Variants in PRPF8 observed in about 807,000 individuals in gnomAD.
PRPF8 encodes the protein pre-mRNA processing factor 8.
Under a neutral mutation model 285.9 loss-of-function variants are expected in PRPF8, and 64 were observed. The observed-to-expected ratio is 0.22, with a 90% CI of 0.18 to 0.28. The LOEUF is 0.28. Among genes scored for constraint, PRPF8 ranks in the 10% least tolerant of loss-of-function variants. The pLI is 1.00. For missense variants in PRPF8, 1,426 were observed against 3,026.7 expected (o/e 0.47, Z 12.41); for synonymous variants, 1,325 against 1,118.2 (o/e 1.18, Z -3.69).
In PRPF8 at chr17:1,675,445, C is replaced by T. The variant is rs938413786; in HGVS notation, c.2873-106G>A. The T allele has an allele frequency of 2.4e-5, 35 of 1,464,918 alleles. No homozygotes were observed. The highest frequency in any genetic ancestry group is 6.7e-5 in the Admixed American group (4 of 59,392). 90.7% of individuals were successfully genotyped at this position (1,464,918 alleles called of 1,614,324 possible). On this transcript the variant is annotated intron_variant, in intron 19 of 42. Coordinates refer to ENST00000304992, the MANE Select transcript of PRPF8 (RefSeq NM_006445.4). This position sits in a 1 kb window ranked among gnomAD's most constrained non-coding sequence, Gnocchi z 6.0. The stretch of plus-strand genomic sequence containing the variant: ...CATAACCAATCCCACTATGATTCCA[C>T]GTATTCATTTGGATTGCTTTGACTA...
rs1373036742 is a variant in PRPF8 at position 1,650,837 on chromosome 17, C to T, written c.6973G>A (p.Val2325Ile). Residue 2325 changes from valine to isoleucine, a missense_variant, in exon 43 of 43, where the codon GTT (valine) becomes ATT (isoleucine). Val to Ile is a conservative substitution (Grantham distance 29). Around this residue, in one of 34 missense-constraint regions of PRPF8, gnomAD observed 59 missense variants for 58.6 expected, o/e 1.01. Coordinates refer to ENST00000304992, the MANE Select transcript of PRPF8 (RefSeq NM_006445.4). ...AGGTCCTCCCGATCCGCAGAGTAAA[C>T]CTCCCCCTCCTGCAGGAGAGCAAAG... ...LNFALLQEGE[V>I]YSADREDLYA is the part of the protein sequence containing the mutation. 1 of 1,614,106 alleles carries T rather than the reference C, an allele frequency of 6.2e-7. No individual in the cohort carries two copies. Among genetic ancestry groups the T allele is most frequent in the Admixed American group, 1.7e-5 (1 of 60,010 alleles).
chr17:1,668,344 G>C (rs958292765), intron 24 of PRPF8, among the ~76,000 whole-genome samples: 1 of 149,362 alleles, frequency 6.7e-6, no homozygotes, highest in African/African-American at 2.5e-5. Flanking sequence ...TCTCAATGGG[G>C]TCTAGCATTC....
intron 14 of PRPF8, 183 bp from the exon 15 acceptor site, chr17:1,677,355 A>C: frequency 1.0e-6 from 1 of 959,902 alleles, no homozygotes; most frequent in South Asian, 1.4e-5. Context: ...GCTTCTGAGG[A>C]ATTTCCACTC....
rs1912931146 is a variant in PRPF8, at chr17:1,681,649, A to G, written c.695T>C (p.Leu232Pro). Reference sequence around the variant, plus strand: ...GCGGTAGAGAGTCGACATCATAGGTAGTGTGAACTGCCAGCGCTGGTAAGT... The same window carrying G: ...GCGGTAGAGAGTCGACATCATAGGTGGTGTGAACTGCCAGCGCTGGTAAGT... ...GSTYQRWQFT[L>P]PMMSTLYRLA... The change falls in exon 6 of 43, where the codon CTA (leucine) becomes CCA (proline). Residue 232 changes from leucine (L) to proline (P), a missense_variant. Coordinates refer to ENST00000304992, the MANE Select transcript of PRPF8 (RefSeq NM_006445.4). The G allele has an allele frequency of 8.7e-6, 14 of 1,614,030 alleles. No homozygotes were observed. The highest frequency in any genetic ancestry group is 1.2e-5 in the Non-Finnish European group (14 of 1,180,030).
Position 1,651,826 on chromosome 17 carries a change from G to A in PRPF8, c.6370-38C>T. 1 of 1,610,384 alleles carries A rather than the reference G, an allele frequency of 6.2e-7. No individual in the cohort carries two copies. The highest frequency in any genetic ancestry group is 8.5e-7 in the Non-Finnish European group (1 of 1,177,062). ...GGGTCAGGAACCAAAACTCTTCTTA[G>A]TACCAGGTCAGAGTTGGAGCTGCCA... is the stretch of plus-strand genomic sequence containing the variant. On this transcript the variant is annotated intron_variant, in intron 39 of 42. Coordinates refer to ENST00000304992, the MANE Select transcript of PRPF8 (RefSeq NM_006445.4). This position sits in a 1 kb window ranked among gnomAD's most constrained non-coding sequence, Gnocchi z 5.1.
chr17:1,657,645 CA>C (rs71150803), intron 34 of PRPF8, among the ~76,000 whole-genome samples: 3,692 of 48,120 alleles, frequency 0.077, 55 homozygotes, highest in African/African-American at 0.1. Context: ...GACTCCGTCT[CA>C]AAAAAAAAAA....
At chr17:1,655,293 A>G in intron 37 of PRPF8, 57 bp downstream of exon 37, 1 of 1,599,870 alleles carries the variant, frequency 6.3e-7, no homozygotes, top group Non-Finnish European at 8.5e-7. Context: ...TGCTTCCAAA[A>G]AACCCCAGAA....
In PRPF8 at chr17:1,675,290, A is replaced by G; in HGVS notation, c.2922T>C (p.Asn974=). Residue 974 remains asparagine (N), a synonymous_variant, in exon 20 of 43, where the codon AAT becomes AAC. Transcript: ENST00000304992. The surrounding 1 kb of genome is among the most constrained non-coding windows in gnomAD (Gnocchi z 6.0). Reference sequence around the variant, plus strand: ...TCTCAAAGCGGGATTCCAGCATGACATTGCACTCGCCTTCACTCGTCTCCC... The same window carrying G: ...TCTCAAAGCGGGATTCCAGCATGACGTTGCACTCGCCTTCACTCGTCTCCC... ...DVWETSEGEC[N]VMLESRFEKM... 6.2e-7 allele frequency: 1 copy of G among 1,614,134 alleles called. No homozygotes were observed. Among genetic ancestry groups the G allele is most frequent in the African/African-American group, 1.3e-5 (1 of 75,028 alleles).
chr17:1,653,683 C>T lies in PRPF8; in HGVS notation c.6228G>A (p.Arg2076=). The part of the protein sequence containing the change: ...TFSSKTEWRV[R]AISAANLHLR... ...GGTGCAGGTTGGCAGCAGAGATGGCCCTAAAAACAGGCAGGGAGTGTCAGC... is the reference window on the plus strand; with the variant it reads ...GGTGCAGGTTGGCAGCAGAGATGGCTCTAAAAACAGGCAGGGAGTGTCAGC... Residue 2076 remains arginine (R), a splice_region_variant and synonymous_variant, in exon 39 of 43, where the codon AGG becomes AGA. Transcript: ENST00000304992. This position sits in a 1 kb window ranked among gnomAD's most constrained non-coding sequence, Gnocchi z 4.9. The T allele has an allele frequency of 6.2e-7, 1 of 1,614,082 alleles. No homozygotes were observed. Among genetic ancestry groups the T allele is most frequent in the Non-Finnish European group, 8.5e-7 (1 of 1,180,026 alleles).
chr17:1,655,615 T>A, intron 36 of PRPF8, 72 bp from the exon 37 acceptor site: 1 of 1,394,644 alleles, frequency 7.2e-7, no homozygotes, highest in Non-Finnish European at 1.0e-6. Flanking sequence ...TAACCTTTCA[T>A]GAAACCCAAG....
intron 24 of PRPF8, among the ~76,000 whole-genome samples, chr17:1,668,438 T>C (rs1912118328): frequency 6.7e-6 from 1 of 148,272 alleles, no homozygotes; most frequent in South Asian, 2.2e-4. Context: ...CTCGGTTCAC[T>C]GCAAGCTCTG....
rs2151128875 is a variant in PRPF8, at chr17:1,677,800, A to C, written c.1855-106T>G. The C allele has an allele frequency of 1.4e-6, 2 of 1,440,812 alleles. 1 individual carries two copies. Among genetic ancestry groups the C allele is most frequent in the East Asian group, 4.5e-5 (2 of 43,992 alleles). The allele number at this position is 1,440,812 out of a possible 1,614,324, so 89.3% of individuals were successfully genotyped here. ...TATATGTATAATATACATACAGAGG[A>C]ATGTAGGTATGGCAGTAGAGGGGTA... On this transcript the variant is annotated intron_variant, in intron 13 of 42. Coordinates refer to ENST00000304992, the MANE Select transcript of PRPF8 (RefSeq NM_006445.4).
Position 1,678,827 on chromosome 17 carries a change from G to A in PRPF8, c.1654C>T (p.Arg552Cys). The A allele has an allele frequency of 6.2e-7, 1 of 1,614,132 alleles. No homozygotes were observed. Residue 552 changes from arginine to cysteine, a missense_variant, in exon 12 of 43, where the codon CGT becomes TGT. Arg to Cys is a radical substitution (Grantham distance 180). Around this residue, in one of 34 missense-constraint regions of PRPF8, gnomAD observed 69 missense variants for 134.7 expected, o/e 0.51. Transcript: ENST00000304992. ...CTATCCACCACCAGCTTAGTCAAAC[G>A]CAGAACTTCCCGACACAGGTGGAAA... ...NAFHLCREVL[R>C]LTKLVVDSHV...
Position 1,679,056 on chromosome 17 carries a change from G to C in PRPF8, c.1560C>G (p.Tyr520Ter). The C allele has an allele frequency of 6.2e-7, 1 of 1,614,188 alleles. No homozygotes were observed. The highest frequency in any genetic ancestry group is 8.5e-7 in the Non-Finnish European group (1 of 1,180,040). The change falls in exon 11 of 43, where the codon TAC becomes TAG. Residue 520 changes from tyrosine (Y) to a stop codon, truncating the protein, a stop_gained. Coordinates refer to ENST00000304992, the MANE Select transcript of PRPF8 (RefSeq NM_006445.4). LOFTEE classifies it high-confidence loss of function. The surrounding 1 kb of genome is among the most constrained non-coding windows in gnomAD (Gnocchi z 4.7). ...TTTTCACAGGCTTGAGGTTGAAGTT[G>C]TAGTCCAGGTGCAGGTAGTTGAGGT... ...RKNLNYLHLD[Y>*]NFNLKPVKTL...
In PRPF8 at chr17:1,661,260, C is replaced by T. The variant is rs1215475768; in HGVS notation, c.4338+11G>A. 6.2e-6 allele frequency: 10 copies of T among 1,613,998 alleles called. No homozygotes were observed. In the Admixed American group the frequency reaches 1.7e-4, roughly 27 times the overall value. On this transcript the variant is annotated intron_variant, in intron 27 of 42. Transcript: ENST00000304992. This position sits in a 1 kb window ranked among gnomAD's most constrained non-coding sequence, Gnocchi z 7.3. ...TTCCTGACTCAGGGAAAATCTGCTC[C>T]CTCTACATACCTGATACTGCTTAAA...
At chr17:1,668,362 T>G (rs866714339) in intron 24 of PRPF8, among the ~76,000 whole-genome samples, 5,744 of 141,518 alleles carry the variant, frequency 0.041, 314 homozygotes, top group African/African-American at 0.13. Flanking sequence ...TTCTTTTTTT[T>G]TTTTTTTTTT....
Position 1,678,768 on chromosome 17 carries a change from G to A in PRPF8, c.1713C>T (p.Ala571=). The change falls in exon 12 of 43, where the codon GCC becomes GCT. Residue 571 remains alanine, a synonymous_variant. Transcript: ENST00000304992. ...HVQYRLGNVD[A]FQLADGLQYI... is the part of the protein sequence containing the mutation. ...TGGGAATACCTAACCTTACCTGGAAGGCATCCACATTGCCCAGCCGATACT... is the reference window on the plus strand; with the variant it reads ...TGGGAATACCTAACCTTACCTGGAAAGCATCCACATTGCCCAGCCGATACT... 1 of 1,614,058 alleles carries A rather than the reference G, an allele frequency of 6.2e-7. No homozygotes were observed. Among genetic ancestry groups the A allele is most frequent in the Non-Finnish European group, 8.5e-7 (1 of 1,180,048 alleles).
At position 1,675,397 on chromosome 17, in the gene PRPF8, C is replaced by T; in HGVS notation, c.2873-58G>A. 6.3e-7 allele frequency: 1 copy of T among 1,582,422 alleles called. No homozygotes were observed. Among genetic ancestry groups the T allele is most frequent in the Non-Finnish European group, 8.7e-7 (1 of 1,152,732 alleles). ...TAGAAATCCTCTTGCAAGACTAGCC[C>T]CACAGGAACTATCATTACCTTCCAT... On this transcript the variant is annotated intron_variant, in intron 19 of 42. Transcript: ENST00000304992. This position sits in a 1 kb window ranked among gnomAD's most constrained non-coding sequence, Gnocchi z 6.0.
Position 1,683,615 on chromosome 17 carries a change from G to C in PRPF8, c.187C>G (p.Pro63Ala), listed in dbSNP as rs374410261. The C allele has an allele frequency of 6.2e-7, 1 of 1,614,082 alleles. No homozygotes were observed. The highest frequency in any genetic ancestry group is 1.3e-5 in the African/African-American group (1 of 74,986). Reference sequence around the variant, plus strand: ...CGAATGATCTTCCTGACATGTTCTGGGGGCATGTCTTCCTTCTGGGCATCC... The same window carrying C: ...CGAATGATCTTCCTGACATGTTCTGCGGGCATGTCTTCCTTCTGGGCATCC... ...FVDAQKEDMP[P>A]EHVRKIIRDH... The change falls in exon 3 of 43, where the codon CCA (proline) becomes GCA (alanine). Residue 63 changes from proline to alanine, a missense_variant. This residue lies in a region of PRPF8 where 72 missense variants were observed against 80.0 expected (regional missense o/e 0.90). Transcript: ENST00000304992.
Sources: gnomAD v4.1 joint callset for allele counts (sites outside exome capture counted in the v4.1 genomes callset) on GRCh38, gnomAD v4.1.1 for gene constraint, gnomAD v4.1.1 regional missense constraint, Gnocchi (gnomAD v3.1) non-coding constraint, MANE v1.5 for transcripts, NCBI Gene and HGNC (gene_info 2026-07-23, HGNC 2026-07-21) for gene names.